The following FGF9 variants were observed in gnomAD, a reference collection of about 807,000 sequenced individuals.
FGF9 encodes fibroblast growth factor 9 (glia-activating factor).
FGF9 carries 3 observed loss-of-function variants against 19.9 expected under a neutral mutation model. The ratio of observed to expected loss-of-function variants is 0.15; its 90% confidence interval spans 0.07 to 0.39. The LOEUF is 0.39. Ranked by LOEUF, FGF9 falls within the 10% of genes least tolerant of loss-of-function variation. The pLI is 1.00. For synonymous variants in FGF9, 107 were observed against 106.9 expected (o/e 1.00, Z -0.01); for missense variants, 175 against 256.8 (o/e 0.68, Z 2.18).
rs369053667 is a variant in FGF9, at chr13:21,671,795, TTCTC to T, written c.-108_-105del. ...TGGATTGAAGAAAAGAACCTTTTTT[TTCTC>T]TCTCTCTCTGCAACTGCAGTAAGGG... On this transcript the variant is annotated 5_prime_UTR_variant, in exon 1 of 3. Coordinates refer to ENST00000382353, the MANE Select transcript of FGF9 (RefSeq NM_002010.3). The T allele has an allele frequency of 6.8e-6, 8 of 1,171,534 alleles. No homozygotes were observed. The highest frequency in any genetic ancestry group is 1.5e-5 in the African/African-American group (1 of 65,354). The allele number at this position is 1,171,534 out of a possible 1,614,324, so 72.6% of individuals were successfully genotyped here.
chr13:21,682,192 T>C (rs2138134758), intron 2 of FGF9, among the ~76,000 whole-genome samples: 1 of 152,090 alleles, frequency 6.6e-6, no homozygotes. Context: ...TTTTTTTTTT[T>C]TGTAGAGACA....
intron 2 of FGF9, 106 bp downstream of exon 2, chr13:21,681,251 AAGGCG>A: frequency 1.2e-6 from 1 of 851,656 alleles, no homozygotes. Context: ...GTCTGTTTGG[AAGGCG>A]AGTGTAAGTT....
intron 2 of FGF9, among the ~76,000 whole-genome samples, chr13:21,693,463 G>A (rs1872338432): frequency 6.6e-6 from 1 of 152,152 alleles, no homozygotes; most frequent in African/African-American, 2.4e-5. Flanking sequence ...ATAGTGCCCA[G>A]GGATCCCTGG....
At chr13:21,682,894 C>T (rs1248111535) in intron 2 of FGF9, among the ~76,000 whole-genome samples, 4 of 151,938 alleles carry the variant, frequency 2.6e-5, no homozygotes, top group Non-Finnish European at 2.9e-5. Context: ...TGCATCTCAA[C>T]ATATGCATTT....
intron 2 of FGF9, among the ~76,000 whole-genome samples, chr13:21,685,975 T>G (rs1440905647): frequency 6.6e-6 from 1 of 152,242 alleles, no homozygotes; most frequent in Non-Finnish European, 1.5e-5. Flanking sequence ...TGGTCACTTT[T>G]GTTCTTATCA....
rs765187175 is a variant in FGF9 at position 21,686,496 on chromosome 13, T to C, written c.381+5351T>C. On this transcript the variant is annotated intron_variant, in intron 2 of 2. Transcript: ENST00000382353. ...ACAGGTACTAACATTGTAAGGATGTTGGAACATACAGCATGGAGTCTGCAA... is the reference window on the plus strand; with the variant it reads ...ACAGGTACTAACATTGTAAGGATGTCGGAACATACAGCATGGAGTCTGCAA... 3.9e-5 allele frequency among the ~76,000 whole-genome samples: 6 copies of C among 152,358 alleles called. No individual in the cohort carries two copies. In the South Asian group the frequency reaches 1.0e-3, roughly 26 times the overall value.
At chr13:21,699,299 C>A (rs918064275) in intron 2 of FGF9, among the ~76,000 whole-genome samples, 9 of 152,208 alleles carry the variant, frequency 5.9e-5, no homozygotes, top group African/African-American at 1.9e-4. Flanking sequence ...GAACACAGCA[C>A]CAGAGGTCTA....
chr13:21,676,413 A>G (rs571777010), intron 1 of FGF9, among the ~76,000 whole-genome samples: 5 of 152,204 alleles, frequency 3.3e-5, no homozygotes, highest in African/African-American at 1.2e-4. Flanking sequence ...TGTTCTATGT[A>G]TCTGACTCTT....
chr13:21,696,832 C>T (rs1229018432), intron 2 of FGF9, among the ~76,000 whole-genome samples: 1 of 152,150 alleles, frequency 6.6e-6, no homozygotes, highest in Non-Finnish European at 1.5e-5. Context: ...TCTTGCTACT[C>T]CGTCTAAAAC....
At chr13:21,697,942 G>C (rs1872450246) in intron 2 of FGF9, among the ~76,000 whole-genome samples, 1 of 151,892 alleles carries the variant, frequency 6.6e-6, no homozygotes, top group Non-Finnish European at 1.5e-5. Flanking sequence ...CGAGTAGCTG[G>C]GACTACAGGC....
chr13:21,672,250 AG>A lies in FGF9; in HGVS notation c.277+62del, dbSNP rs1456277908. On this transcript the variant is annotated intron_variant, in intron 1 of 2. Transcript: ENST00000382353. This position sits in a 1 kb window ranked among gnomAD's most constrained non-coding sequence, Gnocchi z 4.2. ...TGACATGTTGAAATTATAACTACCAAGAAGGTGGTGGCCGGGTGGGGGACGT... is the reference window on the plus strand; with the variant it reads ...TGACATGTTGAAATTATAACTACCAAAAGGTGGTGGCCGGGTGGGGGACGT... 2 of 1,596,536 alleles carry A rather than the reference AG, an allele frequency of 1.3e-6. No homozygotes were observed. Among genetic ancestry groups the A allele is most frequent in the East Asian group, 4.5e-5 (2 of 44,792 alleles).
chr13:21,677,859 G>T (rs189865136), intron 1 of FGF9, among the ~76,000 whole-genome samples: 1 of 152,108 alleles, frequency 6.6e-6, no homozygotes, highest in Non-Finnish European at 1.5e-5. Context: ...GTTCCTTCTC[G>T]CTTGGATAGC....
chr13:21,701,456 G>C lies in FGF9; in HGVS notation c.*21G>C. 1 of 1,613,938 alleles carries C rather than the reference G, an allele frequency of 6.2e-7. No homozygotes were observed. The highest frequency in any genetic ancestry group is 8.5e-7 in the Non-Finnish European group (1 of 1,179,906). On this transcript the variant is annotated 3_prime_UTR_variant, in exon 3 of 3. Transcript: ENST00000382353. ...GTTGACAAAGACAGTTTCTTCACTT[G>C]AGCCCTTAAAAAAGTAACCACTATA...
At chr13:21,678,685 A>T (rs1871970572) in intron 1 of FGF9, among the ~76,000 whole-genome samples, 1 of 152,218 alleles carries the variant, frequency 6.6e-6, no homozygotes, top group African/African-American at 2.4e-5. Context: ...CTCCGTGTGC[A>T]GGGAAAGCAG....
chr13:21,675,162 C>T (rs894087565), intron 1 of FGF9, among the ~76,000 whole-genome samples: 1 of 151,726 alleles, frequency 6.6e-6, no homozygotes, highest in African/African-American at 2.4e-5. Flanking sequence ...GGGGGAAGGG[C>T]GCTCTGGCGC....
Position 21,702,087 on chromosome 13 carries a change from T to A in FGF9, c.*652T>A, listed in dbSNP as rs1872563752. 1 of 151,720 alleles carries A rather than the reference T, an allele frequency of 6.6e-6. No homozygotes were observed. The highest frequency in any genetic ancestry group is 2.1e-4 in the South Asian group (1 of 4,824). 9.4% of individuals were successfully genotyped at this position (151,720 alleles called of 1,614,324 possible). On this transcript the variant is annotated 3_prime_UTR_variant, in exon 3 of 3. Coordinates refer to ENST00000382353, the MANE Select transcript of FGF9 (RefSeq NM_002010.3). ...TTATTTTATATATTTATTTATTATA[T>A]AGAGTTTATTTTTAATGAAACATGT...
chr13:21,677,918 T>G (rs1170415031), intron 1 of FGF9, among the ~76,000 whole-genome samples: 1 of 152,198 alleles, frequency 6.6e-6, no homozygotes. Flanking sequence ...AGCCTCTGAC[T>G]TGCCTTCAGA....
chr13:21,686,007 T>C (rs1325648689), intron 2 of FGF9, among the ~76,000 whole-genome samples: 2 of 152,240 alleles, frequency 1.3e-5, no homozygotes, highest in Non-Finnish European at 2.9e-5. Context: ...GGCATGGCTC[T>C]GATAATTACT....
At chr13:21,681,316 C>G in intron 2 of FGF9, 171 bp downstream of exon 2, 1 of 566,098 alleles carries the variant, frequency 1.8e-6, no homozygotes, top group Non-Finnish European at 3.2e-6. Flanking sequence ...ATAAACAGCT[C>G]TGCACCTTCA....
Sources: gnomAD v4.1 joint callset for allele counts (sites outside exome capture counted in the v4.1 genomes callset) on GRCh38, gnomAD v4.1.1 for gene constraint, Gnocchi (gnomAD v3.1) non-coding constraint, MANE v1.5 for transcripts, NCBI Gene and HGNC (gene_info 2026-07-23, HGNC 2026-07-21) for gene names.